ACSM3: variants seen among roughly 807,000 people sequenced by gnomAD.
The protein encoded by ACSM3 is acyl-CoA synthetase medium chain family member 3, also known as acyl-coenzyme A synthetase ACSM3, mitochondrial.
A neutral mutation model predicts 74.1 loss-of-function variants in ACSM3; 61 were observed. The observed-to-expected ratio is 0.82, with a 90% CI of 0.67 to 1.02. The LOEUF is 1.02. ACSM3 is among the 50% of genes least tolerant of loss of function. The probability of loss-of-function intolerance (pLI) is 0.00; values close to 1 mark genes in which losing one functional copy is unlikely to be tolerated. For missense variants in ACSM3, 660 were observed against 697.0 expected (o/e 0.95, Z 0.60); for synonymous variants, 213 against 241.5 (o/e 0.88, Z 1.09).
Position 20,796,906 on chromosome 16 carries a change from G to A in ACSM3, c.1695G>A (p.Leu565=). The A allele has an allele frequency of 6.2e-7, 1 of 1,612,694 alleles. No homozygotes were observed. The highest frequency in any genetic ancestry group is 8.5e-7 in the Non-Finnish European group (1 of 1,179,454). Residue 565 remains leucine, a synonymous_variant, in exon 14 of 14, where the codon CTG becomes CTA. Transcript: ENST00000289416. ...AACAGGTAGAATTTATTCAAGAGCT[G>A]CCAAAGACTATCAGTGGGAAGACAA... The part of the protein sequence containing the change: ...YPRKVEFIQE[L]PKTISGKTKR...
chr16:20,682,352 A>C, intron 1 of ACSM3: 1 of 1,613,982 alleles, frequency 6.2e-7, no homozygotes, highest in South Asian at 1.1e-5. Flanking sequence ...TATGGAGTCC[A>C]CCTCTGAGGC....
intron 1 of ACSM3, chr16:20,739,018 C>G: frequency 6.2e-7 from 1 of 1,614,176 alleles, no homozygotes; most frequent in Non-Finnish European, 8.5e-7. Flanking sequence ...AGGCAGCCTC[C>G]GCATCATCAT....
intron 1 of ACSM3, chr16:20,737,964 A>C: frequency 1.3e-6 from 2 of 1,558,172 alleles, no homozygotes; most frequent in Non-Finnish European, 1.7e-6. Flanking sequence ...GCTCTTAAGA[A>C]AAAAAAAAAG....
chr16:20,693,459 G>C (rs1316204825), intron 1 of ACSM3, among the ~76,000 whole-genome samples: 1 of 152,278 alleles, frequency 6.6e-6, no homozygotes, highest in Non-Finnish European at 1.5e-5. Context: ...ACTGAAGAAA[G>C]CTATTTCTCA....
At chr16:20,685,832 C>CAAAAA (rs1469791653) in intron 1 of ACSM3, among the ~76,000 whole-genome samples, 2 of 72,130 alleles carry the variant, frequency 2.8e-5, no homozygotes, top group East Asian at 4.3e-4. Context: ...AAAAAAAAAA[C>CAAAAA]AAACAAAAAA....
At chr16:20,725,613 T>C (rs1309442223) in intron 1 of ACSM3, among the ~76,000 whole-genome samples, 2 of 152,108 alleles carry the variant, frequency 1.3e-5, no homozygotes, top group South Asian at 2.1e-4. Flanking sequence ...TTACAGGATA[T>C]TGAGCAGCAT....
chr16:20,768,247 A>G (rs2080148908), intron 1 of ACSM3, among the ~76,000 whole-genome samples: 1 of 152,244 alleles, frequency 6.6e-6, no homozygotes. Context: ...AGTGATTAAT[A>G]ATTCAAATAA....
Position 20,790,621 on chromosome 16 carries a change from G to A in ACSM3, c.1259G>A (p.Gly420Glu). The stretch of plus-strand genomic sequence containing the variant: ...GTAAATGGCAATGTTCTACCTCCTG[G>A]ACAAGAAGGAGATATTGGCATTCAA... ...VDVNGNVLPPGQEGDIGIQVL... is the reference protein window; with the variant it reads ...VDVNGNVLPPEQEGDIGIQVL... The change falls in exon 10 of 14, where the codon GGA becomes GAA. Residue 420 changes from glycine to glutamate, a missense_variant. Physicochemically the swap from Gly to Glu is moderately conservative, Grantham distance 98. Coordinates refer to ENST00000289416, the MANE Select transcript of ACSM3 (RefSeq NM_005622.4). The surrounding 1 kb of genome is among the most constrained non-coding windows in gnomAD (Gnocchi z 4.0). 1.2e-6 allele frequency: 2 copies of A among 1,614,044 alleles called. No homozygotes were observed. Among genetic ancestry groups the A allele is most frequent in the Non-Finnish European group, 1.7e-6 (2 of 1,179,964 alleles).
upstream of ACSM3, among the ~76,000 whole-genome samples, chr16:20,759,601 G>A (rs2080060352): frequency 1.3e-5 from 2 of 151,464 alleles, no homozygotes; most frequent in East Asian, 3.9e-4. Context: ...GGGAGCTTCT[G>A]GGTAGATGAG....
At chr16:20,781,677 A>C (rs2080356035) in intron 6 of ACSM3, 31 bp from the exon 7 acceptor site, 1 of 1,534,718 alleles carries the variant, frequency 6.5e-7, no homozygotes. Flanking sequence ...AGTTGTAGTA[A>C]GACCAAGAGT....
intron 2 of ACSM3, among the ~76,000 whole-genome samples, chr16:20,751,378 AAT>A (rs1164229434): frequency 1.3e-5 from 2 of 152,190 alleles, no homozygotes; most frequent in Non-Finnish European, 2.9e-5. Context: ...TATTTATAAA[AAT>A]GTTTTTCTTT....
intron 1 of ACSM3, among the ~76,000 whole-genome samples, chr16:20,714,554 T>C (rs1047497387): frequency 6.6e-6 from 1 of 152,022 alleles, no homozygotes; most frequent in African/African-American, 2.4e-5. Flanking sequence ...TGAGCTCTGA[T>C]GAATAGGATG....
chr16:20,792,413 C>A lies in ACSM3; in HGVS notation c.1554+78C>A, dbSNP rs566551743. On this transcript the variant is annotated intron_variant, in intron 12 of 13. Transcript: ENST00000289416. ...ACTTACAAACAGTAGCTCAGTGAAA[C>A]AGAATTAACCAAATGATTCATTTAC... 71 of 1,578,056 alleles carry A rather than the reference C, an allele frequency of 4.5e-5. No homozygotes were observed. In the Admixed American group the frequency reaches 1.2e-3, roughly 26 times the overall value.
chr16:20,761,160 G>C (rs982002004), upstream of ACSM3, among the ~76,000 whole-genome samples: 5 of 151,974 alleles, frequency 3.3e-5, no homozygotes, highest in African/African-American at 1.2e-4. Flanking sequence ...CCAGGCTGGA[G>C]TGCAGTGGCA....
chr16:20,790,912 C>T lies in ACSM3; in HGVS notation c.1326+224C>T, dbSNP rs547325608. ...AGGCCAGATCACTGTTCCAGGTCCACGAAGGCAAGAGGAAGGGACCCTAGA... is the reference window on the plus strand; with the variant it reads ...AGGCCAGATCACTGTTCCAGGTCCATGAAGGCAAGAGGAAGGGACCCTAGA... On this transcript the variant is annotated intron_variant, in intron 10 of 13. Transcript: ENST00000289416. The surrounding 1 kb of genome is among the most constrained non-coding windows in gnomAD (Gnocchi z 4.0). The T allele has an allele frequency of 6.2e-6, 10 of 1,613,916 alleles. No individual in the cohort carries two copies. Among genetic ancestry groups the T allele is most frequent in the East Asian group, 2.2e-5 (1 of 44,876 alleles).
intron 1 of ACSM3, chr16:20,737,826 A>T (rs753979966): frequency 3.1e-6 from 5 of 1,613,946 alleles, no homozygotes; most frequent in Non-Finnish European, 4.2e-6. Flanking sequence ...ATGTTTCTGC[A>T]TATTTTTTCA....
In ACSM3 at chr16:20,790,635, AT is replaced by A; in HGVS notation, c.1275del (p.Ile425MetfsTer18). On this transcript the variant is annotated frameshift_variant, in exon 10 of 14. Transcript: ENST00000289416. LOFTEE classifies it high-confidence loss of function. The surrounding 1 kb of genome is among the most constrained non-coding windows in gnomAD (Gnocchi z 4.0). Reference sequence around the variant, plus strand: ...TCTACCTCCTGGACAAGAAGGAGATATTGGCATTCAAGTTCTACCCAACCGA... The same window carrying A: ...TCTACCTCCTGGACAAGAAGGAGATATGGCATTCAAGTTCTACCCAACCGA... ...NVLPPGQEGD[I>X]GIQVLPNRPF... is the part of the protein sequence containing the mutation. 6.2e-7 allele frequency: 1 copy of A among 1,614,160 alleles called. No homozygotes were observed. Among genetic ancestry groups the A allele is most frequent in the Non-Finnish European group, 8.5e-7 (1 of 1,179,990 alleles).
rs144945381 is a variant in ACSM3, at chr16:20,754,682, G to A, written c.-95-891G>A. 5.3e-5 allele frequency among the ~76,000 whole-genome samples: 8 copies of A among 152,248 alleles called. 1 individual carries two copies. In the East Asian group the frequency reaches 1.5e-3, roughly 29 times the overall value. On this transcript the variant is annotated intron_variant, in intron 2 of 3. Transcript: ENST00000561584. Reference sequence around the variant, plus strand: ...CATGTATGCTTTAAAATTTTAATGTGCCTTAGTCTATCTTGTAACAAGTGT... The same window carrying A: ...CATGTATGCTTTAAAATTTTAATGTACCTTAGTCTATCTTGTAACAAGTGT...
chr16:20,770,818 T>C (rs1273718068), intron 2 of ACSM3, among the ~76,000 whole-genome samples: 1 of 152,166 alleles, frequency 6.6e-6, no homozygotes, highest in East Asian at 1.9e-4. Flanking sequence ...ATGTATAAAA[T>C]GTGTAGTGAT....
Sources: gnomAD v4.1 joint callset for allele counts (sites outside exome capture counted in the v4.1 genomes callset) on GRCh38, gnomAD v4.1.1 for gene constraint, Gnocchi (gnomAD v3.1) non-coding constraint, MANE v1.5 for transcripts, NCBI Gene and HGNC (gene_info 2026-07-23, HGNC 2026-07-21) for gene names.